The following JAM3 variants were observed in gnomAD, a reference collection of about 807,000 sequenced individuals.
JAM3 encodes junctional adhesion molecule 3.
Under a neutral mutation model 39.4 loss-of-function variants are expected in JAM3, and 31 were observed. The observed-to-expected ratio is 0.79, with a 90% CI of 0.59 to 1.06. The LOEUF (loss-of-function observed/expected upper bound fraction) is 1.06, where lower values mean the gene tolerates loss of function less well. Ranked by LOEUF, JAM3 falls within the 50% of genes least tolerant of loss-of-function variation. The pLI is 0.00. For missense variants in JAM3, 455 were observed against 391.4 expected (o/e 1.16, Z -1.37); for synonymous variants, 182 against 148.7 (o/e 1.22, Z -1.63).
intron 1 of JAM3, among the ~76,000 whole-genome samples, chr11:134,085,522 G>A (rs189564516): frequency 6.6e-6 from 1 of 152,082 alleles, no homozygotes; most frequent in African/African-American, 2.4e-5. Context: ...TGTGATTTCT[G>A]TTCTCATTCT....
chr11:134,113,142 A>T (rs1464455018), intron 1 of JAM3, among the ~76,000 whole-genome samples: 2 of 152,002 alleles, frequency 1.3e-5, no homozygotes, highest in Non-Finnish European at 2.9e-5. Flanking sequence ...AATTTCAACA[A>T]ATGAATCTTT....
At chr11:134,110,899 G>T (rs1486092210) in intron 1 of JAM3, among the ~76,000 whole-genome samples, 1 of 152,048 alleles carries the variant, frequency 6.6e-6, no homozygotes, top group South Asian at 2.1e-4. Flanking sequence ...ATTGGGCTCT[G>T]ATGTGTGGCC....
At chr11:134,083,576 A>G (rs1941700263) in intron 1 of JAM3, among the ~76,000 whole-genome samples, 1 of 152,130 alleles carries the variant, frequency 6.6e-6, no homozygotes, top group Non-Finnish European at 1.5e-5. Context: ...TGTCAAGTAC[A>G]TTTCCTACAT....
chr11:134,135,907 A>G (rs1310340914), intron 1 of JAM3, among the ~76,000 whole-genome samples: 1 of 152,034 alleles, frequency 6.6e-6, no homozygotes, highest in Non-Finnish European at 1.5e-5. Context: ...CATCTCTACT[A>G]AAAATGCAAA....
At chr11:134,144,565 A>G (rs1298547120) in intron 4 of JAM3, among the ~76,000 whole-genome samples, 172 bp downstream of exon 4, 1 of 152,178 alleles carries the variant, frequency 6.6e-6, no homozygotes, top group Admixed American at 6.5e-5. Flanking sequence ...TGAGAAGGGA[A>G]GTGAAGTTCC....
At chr11:134,111,407 T>A (rs1382336899) in intron 1 of JAM3, among the ~76,000 whole-genome samples, 1 of 152,004 alleles carries the variant, frequency 6.6e-6, no homozygotes, top group Non-Finnish European at 1.5e-5. Flanking sequence ...CTCCCACCAT[T>A]CATCTTTTAA....
intron 1 of JAM3, among the ~76,000 whole-genome samples, chr11:134,070,603 G>A (rs1465893751): frequency 1.3e-5 from 2 of 152,252 alleles, no homozygotes; most frequent in African/African-American, 4.8e-5. Context: ...AGGGGACAAG[G>A]GTGTCAGGAA....
At chr11:134,119,386 A>G (rs1422584868) in intron 1 of JAM3, among the ~76,000 whole-genome samples, 1 of 152,236 alleles carries the variant, frequency 6.6e-6, no homozygotes, top group Non-Finnish European at 1.5e-5. Flanking sequence ...CGCCACTGGA[A>G]GAGCTTTTCA....
At chr11:134,127,754 A>G (rs1277975677) in intron 1 of JAM3, among the ~76,000 whole-genome samples, 3 of 152,222 alleles carry the variant, frequency 2.0e-5, no homozygotes, top group South Asian at 4.1e-4. Flanking sequence ...AGTTTAATAT[A>G]TTTCTAACAA....
At chr11:134,071,109 T>A (rs1941478281) in intron 1 of JAM3, among the ~76,000 whole-genome samples, 2 of 152,242 alleles carry the variant, frequency 1.3e-5, no homozygotes, top group Non-Finnish European at 2.9e-5. Flanking sequence ...CAATTGCTAT[T>A]ACTATTTATT....
At chr11:134,129,025 C>T (rs1942710192) in intron 1 of JAM3, among the ~76,000 whole-genome samples, 1 of 152,104 alleles carries the variant, frequency 6.6e-6, no homozygotes, top group African/African-American at 2.4e-5. Context: ...TTGGTTTCTC[C>T]TGAGACCTCT....
Position 134,148,562 on chromosome 11 carries a change from G to A in JAM3, c.728G>A (p.Gly243Asp). Residue 243 changes from glycine (G) to aspartate (D), a missense_variant, in exon 7 of 9, where the codon GGC becomes GAC. Transcript: ENST00000299106. ...QEMEVYDLNIGGIIGGVLVVL... is the reference protein window; with the variant it reads ...QEMEVYDLNIDGIIGGVLVVL... The stretch of plus-strand genomic sequence containing the variant: ...TTTTCTTCAGATGACCTGAACATTG[G>A]CGGAATTATTGGGGGGGTTCTGGTT... 6.2e-7 allele frequency: 1 copy of A among 1,614,164 alleles called. No homozygotes were observed. Among genetic ancestry groups the A allele is most frequent in the Non-Finnish European group, 8.5e-7 (1 of 1,180,032 alleles).
chr11:134,101,625 G>A (rs1411444007), intron 1 of JAM3, among the ~76,000 whole-genome samples: 1 of 152,196 alleles, frequency 6.6e-6, no homozygotes, highest in Non-Finnish European at 1.5e-5. Flanking sequence ...CCTTTGTAAT[G>A]ATAGTGTTCT....
chr11:134,106,708 G>A (rs1165939707), intron 1 of JAM3, among the ~76,000 whole-genome samples: 3 of 152,352 alleles, frequency 2.0e-5, no homozygotes, highest in Non-Finnish European at 4.4e-5. Flanking sequence ...AAACATTTAT[G>A]CAGCCAAAAG....
At chr11:134,086,288 A>G (rs1941744205) in intron 1 of JAM3, among the ~76,000 whole-genome samples, 1 of 152,232 alleles carries the variant, frequency 6.6e-6, no homozygotes, top group Non-Finnish European at 1.5e-5. Context: ...CTAATTTACA[A>G]TAACCTTCTC....
At position 134,125,889 on chromosome 11, in the gene JAM3, C is replaced by G. The variant is rs534329516; in HGVS notation, c.77-13962C>G. Among the ~76,000 whole-genome samples the G allele has an allele frequency of 4.3e-4, 66 of 152,266 alleles. No homozygotes were observed. The South Asian group carries it at 0.013, about 31-fold the overall frequency. On this transcript the variant is annotated intron_variant, in intron 1 of 8. Transcript: ENST00000299106. The stretch of plus-strand genomic sequence containing the variant: ...TTGACAGGCCTCTTCAGAAAAAGCA[C>G]CCCGATGGGTTCATTTTCCTCTTCA...
intron 1 of JAM3, chr11:134,124,165 C>T (rs556278478): frequency 6.2e-6 from 9 of 1,460,044 alleles, no homozygotes; most frequent in Admixed American, 1.7e-5. Context: ...TCTTTTTCAA[C>T]TGGAGCTTTA....
At chr11:134,096,432 A>G (rs1350766347) in intron 1 of JAM3, among the ~76,000 whole-genome samples, 4 of 152,248 alleles carry the variant, frequency 2.6e-5, no homozygotes, top group Admixed American at 1.3e-4. Flanking sequence ...GAGACAAACA[A>G]TAAGGCAAGG....
intron 1 of JAM3, among the ~76,000 whole-genome samples, chr11:134,134,568 A>G (rs1446634163): frequency 6.6e-6 from 1 of 152,188 alleles, no homozygotes; most frequent in Admixed American, 6.5e-5. Context: ...TTCTGTGTTT[A>G]ACTTTTCAAG....
Sources: allele counts gnomAD v4.1 joint callset (sites outside exome capture counted in the v4.1 genomes callset), GRCh38; gene constraint gnomAD v4.1.1; transcripts MANE v1.5; gene names NCBI Gene and HGNC (gene_info 2026-07-23, HGNC 2026-07-21).